Variants in NFKBIB observed in about 807,000 individuals in gnomAD.
The protein encoded by NFKBIB is NF-kappa-B inhibitor beta.
NFKBIB carries 16 observed loss-of-function variants against 32.1 expected under a neutral mutation model. The ratio of observed to expected loss-of-function variants is 0.50; its 90% CI spans 0.34 to 0.76. NFKBIB has a LOEUF of 0.76. Among genes scored for constraint, NFKBIB ranks in the 30% least tolerant of loss-of-function variants. The pLI, the probability that NFKBIB is intolerant of heterozygous loss-of-function variation, is 0.01. For synonymous variants in NFKBIB, 222 were observed against 219.5 expected (o/e 1.01, Z -0.10); for missense variants, 437 against 514.9 (o/e 0.85, Z 1.46).
In NFKBIB at chr19:38,907,303, C is replaced by T. The variant is rs1479474995; in HGVS notation, c.702C>T (p.Asp234=). Residue 234 remains aspartate, a synonymous_variant, in exon 4 of 6, where the codon GAC becomes GAT. Transcript: ENST00000313582. ...TCCGAGATGCTGGAGCTGACCTTGA[C>T]AAACCGGTGAGCCCCAACCTCGGGG... ...RLLRDAGADL[D]KPEPTCGRSP... 1 of 1,613,278 alleles carries T rather than the reference C, an allele frequency of 6.2e-7. No homozygotes were observed. Among genetic ancestry groups the T allele is most frequent in the Admixed American group, 1.7e-5 (1 of 60,012 alleles).
At chr19:38,901,514 GAC>G (rs1420067601) in intron 1 of NFKBIB, among the ~76,000 whole-genome samples, 1 of 146,824 alleles carries the variant, frequency 6.8e-6, no homozygotes, top group Non-Finnish European at 1.5e-5. Flanking sequence ...TTTTTTTTGA[GAC>G]AGAGTCTTGT....
At chr19:38,908,616 A>C (rs563392385) in intron 5 of NFKBIB, 115 bp from the exon 6 acceptor site, 7 of 1,415,010 alleles carry the variant, frequency 4.9e-6, no homozygotes, top group Non-Finnish European at 6.4e-6. Flanking sequence ...AGCCAGGAGC[A>C]GGGGAACTTG....
intron 1 of NFKBIB, among the ~76,000 whole-genome samples, chr19:38,900,431 A>G (rs1973912768): frequency 6.6e-6 from 1 of 152,196 alleles, no homozygotes; most frequent in Non-Finnish European, 1.5e-5. Flanking sequence ...TTCTTGAACT[A>G]TGATTCTCAG....
At position 38,905,204 on chromosome 19, in the gene NFKBIB, A is replaced by G. The variant is rs1430134384; in HGVS notation, c.288A>G (p.Thr96=). The G allele has an allele frequency of 6.3e-6, 10 of 1,594,576 alleles. No individual in the cohort carries two copies. The highest frequency in any genetic ancestry group is 2.2e-5 in the East Asian group (1 of 44,708). ...CCGCCTGTCCTCTGCTTCTGCAGAC[A>G]GCCCTGCACCTGGCAGCCATCCTGG... The part of the protein sequence containing the change: ...YMDLQNDLGQ[T]ALHLAAILGE... The change falls in exon 3 of 6, where the codon ACA becomes ACG. Residue 96 remains threonine (T), a splice_region_variant and synonymous_variant. Transcript: ENST00000313582. This position sits in a 1 kb window ranked among gnomAD's most constrained non-coding sequence, Gnocchi z 5.5.
chr19:38,901,541 T>C (rs1258463031), intron 1 of NFKBIB, among the ~76,000 whole-genome samples: 1 of 151,996 alleles, frequency 6.6e-6, no homozygotes, highest in African/African-American at 2.4e-5. Flanking sequence ...TCACCCAGGC[T>C]GGAGTATAGT....
chr19:38,902,905 C>G (rs942321753), intron 1 of NFKBIB, among the ~76,000 whole-genome samples: 5 of 152,048 alleles, frequency 3.3e-5, no homozygotes, highest in Non-Finnish European at 5.9e-5. Flanking sequence ...GAAACCTTGT[C>G]TCTACTAAAA....
Position 38,908,860 on chromosome 19 carries a change from G to C in NFKBIB, c.*28G>C. 6.2e-7 allele frequency: 1 copy of C among 1,610,786 alleles called. No individual in the cohort carries two copies. Among genetic ancestry groups the C allele is most frequent in the East Asian group, 2.2e-5 (1 of 44,698 alleles). On this transcript the variant is annotated 3_prime_UTR_variant, in exon 6 of 6. Transcript: ENST00000313582. ...TGTTTCATTGTTAATATAATTTCCA[G>C]TTTAATAAACAAAACCCTAGTTCTG...
intron 1 of NFKBIB, 94 bp from the exon 2 acceptor site, chr19:38,904,921 A>G (rs779310862): frequency 8.6e-7 from 1 of 1,160,208 alleles, no homozygotes; most frequent in Non-Finnish European, 1.3e-6. Context: ...CTGTGGTCAC[A>G]AGGCCTAGCA....
At chr19:38,900,287 G>A in intron 1 of NFKBIB, 76 bp downstream of exon 1, 1 of 1,445,234 alleles carries the variant, frequency 6.9e-7, no homozygotes, top group Non-Finnish European at 9.2e-7. Flanking sequence ...GATCCCTGAG[G>A]CTTCCTAACC....
At chr19:38,904,048 C>T (rs1052780715) in intron 1 of NFKBIB, among the ~76,000 whole-genome samples, 3 of 151,610 alleles carry the variant, frequency 2.0e-5, no homozygotes, top group Non-Finnish European at 4.4e-5. Flanking sequence ...CCAGCCTGGG[C>T]GACAGGGCAA....
intron 1 of NFKBIB, among the ~76,000 whole-genome samples, chr19:38,901,956 T>G (rs1295899210): frequency 6.6e-6 from 1 of 152,150 alleles, no homozygotes; most frequent in South Asian, 2.1e-4. Flanking sequence ...ATTTATCCCA[T>G]GTCTATTATA....
chr19:38,907,946 G>C (rs1974196514), intron 5 of NFKBIB: 2 of 1,260,858 alleles, frequency 1.6e-6, no homozygotes, highest in African/African-American at 3.0e-5. Flanking sequence ...GGGGTGGGTG[G>C]TAGCGCTGGG....
intron 1 of NFKBIB, among the ~76,000 whole-genome samples, chr19:38,902,076 A>ATTTTTTTTTTT (rs1444689459): frequency 1.7e-4 from 11 of 64,052 alleles, no homozygotes; most frequent in Non-Finnish European, 2.9e-4. Context: ...AGTGTTTTTC[A>ATTTTTTTTTTT]TTTTATTTCT....
intron 1 of NFKBIB, 89 bp downstream of exon 1, chr19:38,900,300 A>G: frequency 1.5e-6 from 2 of 1,368,648 alleles, no homozygotes; most frequent in South Asian, 3.0e-5. Flanking sequence ...TCCTAACCTC[A>G]TACTCCTAAA....
intron 4 of NFKBIB, 44 bp downstream of exon 4, chr19:38,907,353 T>C (rs370763896): frequency 7.4e-5 from 119 of 1,601,328 alleles, no homozygotes; most frequent in African/African-American, 7.2e-4. Context: ...GGGAGGGGGC[T>C]TGTCCCCTCT....
intron 1 of NFKBIB, among the ~76,000 whole-genome samples, chr19:38,901,121 G>T (rs1211725059): frequency 6.6e-6 from 1 of 152,186 alleles, no homozygotes; most frequent in South Asian, 2.1e-4. Context: ...GATTGTACTG[G>T]GTTTTTTGTC....
chr19:38,904,275 C>T (rs8108039), intron 1 of NFKBIB, among the ~76,000 whole-genome samples: 27,881 of 151,910 alleles, frequency 0.18, 2,739 homozygotes, highest in East Asian at 0.37. Context: ...AGTATCCCAC[C>T]CGATAGCCTG....
At chr19:38,908,125 T>C (rs1052705985) in intron 5 of NFKBIB, 12 of 1,006,994 alleles carry the variant, frequency 1.2e-5, no homozygotes, top group Non-Finnish European at 1.4e-5. Flanking sequence ...GGCGCGGTGC[T>C]GGATGATGGG....
chr19:38,908,254 G>C (rs939085415), intron 5 of NFKBIB: 1 of 992,010 alleles, frequency 1.0e-6, no homozygotes, highest in African/African-American at 1.7e-5. Context: ...TGAAAATGGA[G>C]TTCTGGCCAG....
Sources: allele counts gnomAD v4.1 joint callset (sites outside exome capture counted in the v4.1 genomes callset), GRCh38; gene constraint gnomAD v4.1.1; non-coding constraint Gnocchi (gnomAD v3.1); transcripts MANE v1.5; gene names NCBI Gene and HGNC (gene_info 2026-07-23, HGNC 2026-07-21).